SLC30A7: variants seen among roughly 807,000 people sequenced by gnomAD.
The protein encoded by SLC30A7 is solute carrier family 30 member 7, also known as zinc transporter 7.
SLC30A7 carries 35 observed loss-of-function variants against 46.0 expected under a neutral mutation model. The ratio of observed to expected loss-of-function variants is 0.76; its 90% confidence interval spans 0.58 to 1.01. The LOEUF (loss-of-function observed/expected upper bound fraction) is 1.01, where lower values mean the gene tolerates loss of function less well. Among genes scored for constraint, SLC30A7 ranks in the 50% least tolerant of loss-of-function variants. The pLI is 0.00. For missense variants in SLC30A7, 464 were observed against 451.1 expected (o/e 1.03, Z -0.26); for synonymous variants, 147 against 157.8 (o/e 0.93, Z 0.51).
Position 100,896,625 on chromosome 1 carries a change from C to T in SLC30A7, c.136C>T (p.Leu46Phe), listed in dbSNP as rs1158271436. The T allele has an allele frequency of 1.9e-6, 3 of 1,614,038 alleles. No individual in the cohort carries two copies. The African/African-American group carries it at 4.0e-5, about 22-fold the overall frequency. The change falls in exon 2 of 11, where the codon CTC becomes TTC. Residue 46 changes from leucine (L) to phenylalanine (F), a missense_variant. By Grantham distance (22) the Leu-to-Phe change is conservative. Transcript: ENST00000357650. ...RNLFFFLCLNLSFAFVELLYG... is the reference protein window; with the variant it reads ...RNLFFFLCLNFSFAFVELLYG... ...CCTGTTTTTCTTCCTGTGCCTGAACCTCTCTTTCGCTTTTGTGGAACTACT... is the reference window on the plus strand; with the variant it reads ...CCTGTTTTTCTTCCTGTGCCTGAACTTCTCTTTCGCTTTTGTGGAACTACT...
intron 9 of SLC30A7, among the ~76,000 whole-genome samples, chr1:100,965,258 C>G (rs1285267605): frequency 1.3e-5 from 2 of 152,120 alleles, no homozygotes; most frequent in Non-Finnish European, 2.9e-5. Context: ...TCACATTGAG[C>G]TTTTTTCTTT....
At chr1:100,899,943 A>G (rs552007698) in intron 2 of SLC30A7, among the ~76,000 whole-genome samples, 16 of 152,246 alleles carry the variant, frequency 1.1e-4, no homozygotes, top group African/African-American at 3.6e-4. Context: ...TTCTGCGGAA[A>G]GTCAAGGATT....
rs1654283314 is a variant in SLC30A7 at position 100,940,660 on chromosome 1, T to A, written c.842+18819T>A. On this transcript the variant is annotated intron_variant, in intron 8 of 10. Transcript: ENST00000357650. Reference sequence around the variant, plus strand: ...AGAAATACAAATTTAATGTGATTAATTAATTTATTTTTAAAGACACATTCA... The same window carrying A: ...AGAAATACAAATTTAATGTGATTAAATAATTTATTTTTAAAGACACATTCA... 2.0e-5 allele frequency among the ~76,000 whole-genome samples: 3 copies of A among 152,358 alleles called. No homozygotes were observed. In the South Asian group the frequency reaches 6.2e-4, roughly 32 times the overall value.
intron 8 of SLC30A7, chr1:100,941,522 T>C: frequency 1.9e-6 from 1 of 536,614 alleles, no homozygotes; most frequent in East Asian, 4.6e-5. Context: ...GGCAAAGCCT[T>C]TTTTCTTGCC....
At chr1:100,995,563 C>T in the SLC30A7 span, 1 of 157,558 alleles carries the variant, frequency 6.3e-6, no homozygotes, top group African/African-American at 2.4e-5. Context: ...AAGTCTTTTG[C>T]TTTCTGACGA....
intron 8 of SLC30A7, among the ~76,000 whole-genome samples, chr1:100,961,040 C>T (rs954943370): frequency 2.1e-4 from 31 of 149,924 alleles, no homozygotes; most frequent in East Asian, 2.0e-4. Flanking sequence ...CTGCAAGCTC[C>T]GCCTCCCAGG....
chr1:100,941,165 A>G, intron 8 of SLC30A7: 1 of 361,108 alleles, frequency 2.8e-6, no homozygotes, highest in Non-Finnish European at 5.4e-6. Context: ...TCAGAATTTG[A>G]AGACTGTTGT....
intron 8 of SLC30A7, among the ~76,000 whole-genome samples, chr1:100,929,385 G>T (rs1653529793): frequency 6.6e-6 from 1 of 151,858 alleles, no homozygotes; most frequent in South Asian, 2.1e-4. Context: ...TTATTTAAAT[G>T]TACACCTGAT....
chr1:100,910,699 A>G (rs951288286), intron 3 of SLC30A7, among the ~76,000 whole-genome samples: 4 of 152,106 alleles, frequency 2.6e-5, no homozygotes, highest in African/African-American at 9.7e-5. Flanking sequence ...CCTTTCTTCT[A>G]CTTTTTAGCC....
chr1:100,949,949 C>T (rs778521670), intron 8 of SLC30A7, among the ~76,000 whole-genome samples: 6 of 152,158 alleles, frequency 3.9e-5, no homozygotes, highest in Admixed American at 6.5e-5. Flanking sequence ...AAGGGAAATC[C>T]CCCAACCCCT....
chr1:100,915,193 T>TTTC (rs1436015312), intron 6 of SLC30A7, among the ~76,000 whole-genome samples: 109 of 90,856 alleles, frequency 1.2e-3, no homozygotes, highest in African/African-American at 3.2e-3. Flanking sequence ...CTTTTCTTTC[T>TTTC]TTTCTTTCTT....
At chr1:100,924,981 G>A (rs1452031858) in intron 8 of SLC30A7, among the ~76,000 whole-genome samples, 1 of 152,262 alleles carries the variant, frequency 6.6e-6, no homozygotes, top group African/African-American at 2.4e-5. Context: ...TATAATAGGA[G>A]AGTGAGACAA....
chr1:100,951,790 C>T (rs1168061066), intron 8 of SLC30A7, among the ~76,000 whole-genome samples: 1 of 152,152 alleles, frequency 6.6e-6, no homozygotes, highest in African/African-American at 2.4e-5. Flanking sequence ...AATGGCTGGG[C>T]AGAAGAATGG....
chr1:100,924,745 T>C (rs1016660386), intron 8 of SLC30A7, among the ~76,000 whole-genome samples: 2 of 151,178 alleles, frequency 1.3e-5, no homozygotes, highest in Admixed American at 6.6e-5. Context: ...TTTTTCAACC[T>C]CAGAGAATTA....
chr1:100,946,718 T>A (rs1353158781), intron 8 of SLC30A7, among the ~76,000 whole-genome samples: 2 of 152,234 alleles, frequency 1.3e-5, no homozygotes, highest in African/African-American at 4.8e-5. Context: ...TGCATCGATG[T>A]TCATTAAAGA....
intron 2 of SLC30A7, among the ~76,000 whole-genome samples, 170 bp downstream of exon 2, chr1:100,896,841 T>G (rs1650997366): frequency 6.6e-6 from 1 of 152,142 alleles, no homozygotes; most frequent in Admixed American, 6.5e-5. Context: ...AGGGCTACAG[T>G]TCTTGAGTAA....
At chr1:100,991,149 G>C in the SLC30A7 span, among the ~76,000 whole-genome samples, 1 of 152,158 alleles carries the variant, frequency 6.6e-6, no homozygotes, top group Non-Finnish European at 1.5e-5. Flanking sequence ...ATGGTAATGA[G>C]AGCTAAGATA....
intron 8 of SLC30A7, among the ~76,000 whole-genome samples, chr1:100,942,237 T>G (rs1190504633): frequency 6.6e-6 from 1 of 152,206 alleles, no homozygotes; most frequent in Non-Finnish European, 1.5e-5. Flanking sequence ...ATGAGAATAG[T>G]ATTAACTCAG....
At chr1:100,944,507 A>G (rs913500992) in intron 8 of SLC30A7, among the ~76,000 whole-genome samples, 1 of 151,950 alleles carries the variant, frequency 6.6e-6, no homozygotes, top group Non-Finnish European at 1.5e-5. Context: ...TTATTTATTT[A>G]TTTTTTATTT....
Sources: allele counts gnomAD v4.1 joint callset (sites outside exome capture counted in the v4.1 genomes callset), GRCh38; gene constraint gnomAD v4.1.1; transcripts MANE v1.5; gene names NCBI Gene and HGNC (gene_info 2026-07-23, HGNC 2026-07-21).